Variants in PDE10A observed in about 807,000 individuals in gnomAD.
PDE10A encodes cAMP and cAMP-inhibited cGMP 3',5'-cyclic phosphodiesterase 10A.
A neutral mutation model predicts 97.7 loss-of-function variants in PDE10A; 39 were observed. That is an observed-to-expected ratio of 0.40 (90% CI 0.31 to 0.52). PDE10A has a LOEUF of 0.52. PDE10A is among the 20% of genes least tolerant of loss of function. PDE10A has a pLI of 0.56. For missense variants in PDE10A, 731 were observed against 1,047.8 expected, an observed-to-expected ratio of 0.70 and a Z score of 4.17; for synonymous variants, 371 against 376.8, an observed-to-expected ratio of 0.98 and a Z score of 0.18.
chr6:165,735,921 C>T (rs1322430578), intron 1 of PDE10A, among the ~76,000 whole-genome samples: 1 of 152,036 alleles, frequency 6.6e-6, no homozygotes, highest in Non-Finnish European at 1.5e-5. Flanking sequence ...TTAAAAATCA[C>T]CAGAGAAGAA....
intron 1 of PDE10A, among the ~76,000 whole-genome samples, chr6:165,709,137 C>T (rs1259816219): frequency 7.3e-6 from 1 of 137,794 alleles, no homozygotes; most frequent in Non-Finnish European, 1.6e-5. Flanking sequence ...CATGCTCCCA[C>T]GCTCTGTCCC....
chr6:165,657,137 C>T (rs1790007817), intron 1 of PDE10A, among the ~76,000 whole-genome samples: 1 of 152,230 alleles, frequency 6.6e-6, no homozygotes, highest in Non-Finnish European at 1.5e-5. Context: ...AAAGACACTG[C>T]CCTCAGGCTC....
chr6:165,873,617 C>T (rs1299114636), intron 1 of PDE10A, among the ~76,000 whole-genome samples: 1 of 152,112 alleles, frequency 6.6e-6, no homozygotes, highest in African/African-American at 2.4e-5. Context: ...CTTAAAAAAA[C>T]TTATTTGGGT....
At chr6:165,571,323 G>A (rs1344167861) in intron 1 of PDE10A, among the ~76,000 whole-genome samples, 1 of 152,072 alleles carries the variant, frequency 6.6e-6, no homozygotes, top group Non-Finnish European at 1.5e-5. Flanking sequence ...GAAAATACTG[G>A]AGAAGCAAAC....
At chr6:165,371,556 T>C (rs1217858241) in intron 18 of PDE10A, among the ~76,000 whole-genome samples, 2 of 151,948 alleles carry the variant, frequency 1.3e-5, no homozygotes, top group East Asian at 1.9e-4. Flanking sequence ...AATAGACCAA[T>C]AACAGGAGCT....
At chr6:165,559,281 G>A (rs899202111) in intron 1 of PDE10A, among the ~76,000 whole-genome samples, 2 of 152,188 alleles carry the variant, frequency 1.3e-5, no homozygotes, top group African/African-American at 2.4e-5. Context: ...ATAAAAATGT[G>A]CAGCCAAAAA....
intron 1 of PDE10A, among the ~76,000 whole-genome samples, chr6:165,766,781 G>A (rs1777861668): frequency 6.6e-6 from 1 of 152,156 alleles, no homozygotes; most frequent in East Asian, 1.9e-4. Flanking sequence ...CAAAGACAGT[G>A]GCAAAGAAAT....
intron 18 of PDE10A, among the ~76,000 whole-genome samples, chr6:165,378,906 T>C (rs1784772678): frequency 6.6e-6 from 1 of 152,214 alleles, no homozygotes; most frequent in Admixed American, 6.5e-5. Context: ...AAGGGACCTC[T>C]TGGAGAAACA....
In PDE10A at chr6:165,840,012, T is replaced by C. The variant is rs752494586; in HGVS notation, c.-615+147517A>G. On this transcript the variant is annotated intron_variant, in intron 1 of 19. Transcript: ENST00000366882. ...CTCCAACTCCATCCCATCTCCATCCTCATCTGCATCCATTCCCATTCCCAT... is the reference window on the plus strand; with the variant it reads ...CTCCAACTCCATCCCATCTCCATCCCCATCTGCATCCATTCCCATTCCCAT... Among the ~76,000 whole-genome samples the C allele has an allele frequency of 2.2e-3, 9 of 4,012 alleles. 3 individuals are homozygous for C. Among genetic ancestry groups the C allele is most frequent in the Non-Finnish European group, 3.1e-3 (6 of 1,924 alleles). 2.6% of individuals were successfully genotyped at this position (4,012 alleles called of 152,430 possible).
At position 165,655,691 on chromosome 6, in the gene PDE10A, T is replaced by G. The variant is rs538436169; in HGVS notation, c.865+6256A>C. The stretch of plus-strand genomic sequence containing the variant: ...TTCATTCACCAAACTGCAGCCAGAA[T>G]GAGCTTCTGAGATCATAAACCATGG... On this transcript the variant is annotated intron_variant, in intron 1 of 21. Coordinates refer to ENST00000539869, the MANE Select transcript of PDE10A (RefSeq NM_001385079.1). The surrounding 1 kb of genome is among the most constrained non-coding windows in gnomAD (Gnocchi z 4.5). Among the ~76,000 whole-genome samples the G allele has an allele frequency of 4.6e-5, 7 of 152,308 alleles. No individual in the cohort carries two copies. Among genetic ancestry groups the G allele is most frequent in the African/African-American group, 1.7e-4 (7 of 41,568 alleles).
At chr6:165,405,201 C>G (rs557689012) in intron 13 of PDE10A, among the ~76,000 whole-genome samples, 8 of 152,140 alleles carry the variant, frequency 5.3e-5, no homozygotes, top group African/African-American at 1.9e-4. Flanking sequence ...TGCACCTCAG[C>G]GTATAGAAGA....
At chr6:165,727,549 G>A (rs1467137963) in intron 1 of PDE10A, among the ~76,000 whole-genome samples, 13 of 152,190 alleles carry the variant, frequency 8.5e-5, no homozygotes, top group African/African-American at 3.1e-4. Context: ...ATAGAGCCCA[G>A]GAGAGGCCTC....
intron 1 of PDE10A, among the ~76,000 whole-genome samples, chr6:165,869,963 G>T (rs1457889565): frequency 1.3e-5 from 2 of 151,996 alleles, no homozygotes; most frequent in Non-Finnish European, 2.9e-5. Flanking sequence ...AACTAAAGAT[G>T]TAAACTTAAG....
chr6:165,958,846 C>A (rs1462860227), intron 1 of PDE10A, among the ~76,000 whole-genome samples: 1 of 152,214 alleles, frequency 6.6e-6, no homozygotes, highest in Non-Finnish European at 1.5e-5. Flanking sequence ...ATTCCACACC[C>A]TCCGGCAGTG....
intron 1 of PDE10A, among the ~76,000 whole-genome samples, chr6:165,698,710 C>T (rs1039828156): frequency 4.8e-4 from 73 of 151,994 alleles, no homozygotes; most frequent in African/African-American, 1.6e-3. Flanking sequence ...ATTAGCCAGA[C>T]GTGGCGGCAT....
At chr6:165,374,994 G>A (rs1287764948) in intron 18 of PDE10A, among the ~76,000 whole-genome samples, 1 of 152,014 alleles carries the variant, frequency 6.6e-6, no homozygotes, top group Non-Finnish European at 1.5e-5. Flanking sequence ...CATATATGAT[G>A]GTGAACTTAA....
chr6:165,866,170 A>G (rs1372051341), intron 1 of PDE10A, among the ~76,000 whole-genome samples: 2 of 152,194 alleles, frequency 1.3e-5, no homozygotes, highest in African/African-American at 4.8e-5. Context: ...ACCCAAGTAT[A>G]TGTTTCCACA....
chr6:165,650,033 T>A (rs1303464901), intron 1 of PDE10A, among the ~76,000 whole-genome samples: 1 of 152,140 alleles, frequency 6.6e-6, no homozygotes, highest in African/African-American at 2.4e-5. Flanking sequence ...TGCGTGCAAT[T>A]TTTTTAATAT....
chr6:165,486,538 G>C (rs1383248424), intron 2 of PDE10A, among the ~76,000 whole-genome samples: 1 of 152,206 alleles, frequency 6.6e-6, no homozygotes, highest in Non-Finnish European at 1.5e-5. Flanking sequence ...ACAACGTTCA[G>C]CAGAATGTGA....
Sources: gnomAD v4.1 joint callset for allele counts (sites outside exome capture counted in the v4.1 genomes callset) on GRCh38, gnomAD v4.1.1 for gene constraint, Gnocchi (gnomAD v3.1) non-coding constraint, MANE v1.5 for transcripts, NCBI Gene and HGNC (gene_info 2026-07-23, HGNC 2026-07-21) for gene names.